ACOXL: variants seen among roughly 807,000 people sequenced by gnomAD.
ACOXL encodes the protein acyl-CoA oxidase like, also known as acyl-coenzyme A oxidase-like protein.
A neutral mutation model predicts 71.9 loss-of-function variants in ACOXL; 70 were observed. The observed-to-expected ratio is 0.97, with a 90% confidence interval of 0.80 to 1.19. ACOXL has a LOEUF of 1.19. ACOXL is among the 50% of genes most tolerant of loss of function. The probability of loss-of-function intolerance (pLI) is 0.00; values close to 1 mark genes in which losing one functional copy is unlikely to be tolerated. For synonymous variants in ACOXL, 253 were observed against 281.6 expected (o/e 0.90, Z 1.02); for missense variants, 703 against 736.3 (o/e 0.95, Z 0.52).
intron 14 of ACOXL, among the ~76,000 whole-genome samples, chr2:110,997,091 A>G (rs1447050004): frequency 6.6e-6 from 1 of 152,240 alleles, no homozygotes; most frequent in Non-Finnish European, 1.5e-5. Flanking sequence ...ATATATCCAA[A>G]AGGAAAAATG....
chr2:111,065,860 A>G (rs2067044774), intron 16 of ACOXL, among the ~76,000 whole-genome samples: 1 of 152,216 alleles, frequency 6.6e-6, no homozygotes, highest in African/African-American at 2.4e-5. Context: ...GCTAAAATAA[A>G]CAACAGTGAT....
chr2:110,988,616 T>C (rs1558832814), intron 13 of ACOXL, among the ~76,000 whole-genome samples: 1 of 152,208 alleles, frequency 6.6e-6, no homozygotes, highest in Non-Finnish European at 1.5e-5. Context: ...AAGGTGGTTG[T>C]ATAAATTTAC....
chr2:110,735,550 C>T (rs932143867), intron 1 of ACOXL, among the ~76,000 whole-genome samples: 2 of 152,230 alleles, frequency 1.3e-5, no homozygotes, highest in African/African-American at 4.8e-5. Flanking sequence ...CCACTCTCCT[C>T]AGAGGAGGAG....
At chr2:110,764,233 C>G (rs1174930719) in intron 1 of ACOXL, among the ~76,000 whole-genome samples, 1 of 152,056 alleles carries the variant, frequency 6.6e-6, no homozygotes, top group Non-Finnish European at 1.5e-5. Flanking sequence ...CAATTCTATT[C>G]ATAATTTCCA....
chr2:110,877,488 A>G, intron 10 of ACOXL, among the ~76,000 whole-genome samples: 1 of 152,048 alleles, frequency 6.6e-6, no homozygotes, highest in East Asian at 1.9e-4. Flanking sequence ...GGATCTCGCA[A>G]ATAGGGTTTT....
chr2:111,059,874 G>A (rs569782171), intron 16 of ACOXL, among the ~76,000 whole-genome samples: 102 of 151,536 alleles, frequency 6.7e-4, no homozygotes, highest in African/African-American at 2.5e-3. Context: ...ATGAGGAGGA[G>A]GATAAGGAGG....
Position 111,117,833 on chromosome 2 carries a change from T to A in ACOXL, c.*17T>A, listed in dbSNP as rs1420122656. On this transcript the variant is annotated 3_prime_UTR_variant, in exon 18 of 18. Transcript: ENST00000439055. ...AAGCTCTAACGGGTGTGGCGGGAAG[T>A]GTGGTGGCCCGCCAGCAGCTGCCAC... is the stretch of plus-strand genomic sequence containing the variant. 8 of 1,538,716 alleles carry A rather than the reference T, an allele frequency of 5.2e-6. No individual in the cohort carries two copies. The highest frequency in any genetic ancestry group is 7.0e-6 in the Non-Finnish European group (8 of 1,143,130).
rs202158751 is a variant in ACOXL, at chr2:110,914,229, AT to A, written c.905+5332del. On this transcript the variant is annotated intron_variant, in intron 11 of 17. Transcript: ENST00000439055. ...ATCAGGTTATGTGAGTCTTCTAAGTATTTTTTTTCCCCTCGAAATTGTCTTG... is the reference window on the plus strand; with the variant it reads ...ATCAGGTTATGTGAGTCTTCTAAGTATTTTTTTCCCCTCGAAATTGTCTTG... Among the ~76,000 whole-genome samples, 34 of 152,036 alleles carry A rather than the reference AT, an allele frequency of 2.2e-4. No homozygotes were observed. In the East Asian group the frequency reaches 4.5e-3, roughly 20 times the overall value.
At chr2:110,992,101 C>A (rs1402292845) in intron 13 of ACOXL, among the ~76,000 whole-genome samples, 1 of 152,150 alleles carries the variant, frequency 6.6e-6, no homozygotes, top group Non-Finnish European at 1.5e-5. Context: ...CACCCATATG[C>A]AAATCTATAT....
rs1688288832 is a variant in ACOXL, at chr2:110,818,912, T to C, written c.753+13517T>C. ...CGATGCTGAAGCTAGAATTGGCCTG[T>C]TGGGCAGGCACAAAGAGGACAGGCT... On this transcript the variant is annotated intron_variant, in intron 9 of 17. Coordinates refer to ENST00000439055, the MANE Select transcript of ACOXL (RefSeq NM_001142807.4). 2.9e-5 allele frequency among the ~76,000 whole-genome samples: 2 copies of C among 68,084 alleles called. 1 individual carries two copies. The highest frequency in any genetic ancestry group is 9.2e-5 in the Non-Finnish European group (2 of 21,716). The allele number at this position is 68,084 out of a possible 152,430, so 44.7% of individuals were successfully genotyped here. A position where few individuals can be genotyped will look rare whatever the true frequency, so the allele number is the denominator to read the frequency against.
intron 7 of ACOXL, among the ~76,000 whole-genome samples, chr2:110,799,907 A>T (rs1685750099): frequency 6.6e-6 from 1 of 152,178 alleles, no homozygotes; most frequent in African/African-American, 2.4e-5. Flanking sequence ...GCTCTGTAAA[A>T]TGCACCAATC....
intron 15 of ACOXL, among the ~76,000 whole-genome samples, chr2:111,034,477 C>T (rs1446679161): frequency 6.6e-6 from 1 of 152,278 alleles, no homozygotes; most frequent in African/African-American, 2.4e-5. Flanking sequence ...TCCAAATCAA[C>T]CCTGAACCTT....
chr2:110,915,358 GTGTGTGTGTGTGTGTGTGTGTGTATGTA>G (rs2059807380), intron 11 of ACOXL, among the ~76,000 whole-genome samples: 1 of 131,508 alleles, frequency 7.6e-6, no homozygotes, highest in Non-Finnish European at 1.6e-5. Context: ...ATATGTGTGT[GTGTGTGTGTGTGTGTGTGTGTGTATGTA>G]TGTGTGTGTG....
At chr2:110,756,960 G>A (rs1375665316) in intron 1 of ACOXL, among the ~76,000 whole-genome samples, 3 of 151,968 alleles carry the variant, frequency 2.0e-5, no homozygotes, top group African/African-American at 7.3e-5. Flanking sequence ...ATAGGTAAAC[G>A]TGGGCCGTGG....
intron 14 of ACOXL, among the ~76,000 whole-genome samples, chr2:111,008,818 A>G (rs968276622): frequency 9.2e-5 from 14 of 152,204 alleles, no homozygotes; most frequent in Non-Finnish European, 1.6e-4. Context: ...TAGGTGATCA[A>G]TGGTAACTTC....
At chr2:111,047,855 G>C (rs1170169550) in intron 15 of ACOXL, among the ~76,000 whole-genome samples, 1 of 152,208 alleles carries the variant, frequency 6.6e-6, no homozygotes, top group Non-Finnish European at 1.5e-5. Flanking sequence ...AGTATGTCTT[G>C]ACTGGATAGA....
chr2:110,798,804 C>T lies in ACOXL; in HGVS notation c.460+80C>T. ...AGTGAAAAACCATTTCACAGAGCTG[C>T]TTTTATCTTGTAAATAATTCAGTAC... On this transcript the variant is annotated intron_variant, in intron 6 of 17. Transcript: ENST00000439055. 2.9e-6 allele frequency: 4 copies of T among 1,356,870 alleles called. No homozygotes were observed. The South Asian group carries it at 3.6e-5, about 12-fold the overall frequency. The allele number at this position is 1,356,870 out of a possible 1,614,324, so 84.1% of individuals were successfully genotyped here.
At chr2:110,839,614 G>T (rs542270357) in intron 9 of ACOXL, among the ~76,000 whole-genome samples, 123 of 152,266 alleles carry the variant, frequency 8.1e-4, no homozygotes, top group Non-Finnish European at 1.4e-3. Context: ...CTGATGGCTT[G>T]CCCTCGTTGG....
intron 12 of ACOXL, among the ~76,000 whole-genome samples, chr2:110,943,590 C>T (rs1459618063): frequency 6.6e-6 from 1 of 152,150 alleles, no homozygotes; most frequent in Non-Finnish European, 1.5e-5. Flanking sequence ...ATGAGACCCC[C>T]TTACTCTCTG....
Sources: allele counts gnomAD v4.1 joint callset (sites outside exome capture counted in the v4.1 genomes callset), GRCh38; gene constraint gnomAD v4.1.1; transcripts MANE v1.5; gene names NCBI Gene and HGNC (gene_info 2026-07-23, HGNC 2026-07-21).